Variants in KDM3A observed in about 807,000 individuals in gnomAD.
KDM3A encodes lysine-specific demethylase 3A.
In KDM3A, 60 loss-of-function variants were observed where a neutral mutation model predicts 158.0. That is an observed-to-expected ratio of 0.38 (90% CI 0.31 to 0.47). KDM3A has a LOEUF of 0.47. Ranked by LOEUF, KDM3A falls within the 20% of genes least tolerant of loss-of-function variation. The pLI, the probability that KDM3A is intolerant of heterozygous loss-of-function variation, is 0.99. For synonymous variants in KDM3A, 608 were observed against 549.3 expected (o/e 1.11, Z -1.49); for missense variants, 1,319 against 1,574.3 (o/e 0.84, Z 2.74).
intron 4 of KDM3A, among the ~76,000 whole-genome samples, chr2:86,452,480 G>C (rs1249741900): frequency 6.6e-6 from 1 of 152,070 alleles, no homozygotes; most frequent in Non-Finnish European, 1.5e-5. Flanking sequence ...AGGAGCAATG[G>C]TTCAGTATTT....
intron 1 of KDM3A, 52 bp downstream of exon 1, chr2:86,441,496 C>G (rs1385245750): frequency 2.3e-4 from 35 of 151,660 alleles, no homozygotes; most frequent in Admixed American, 1.9e-3. Flanking sequence ...AAGGTGAAAG[C>G]GCCGAGCGCG....
intron 5 of KDM3A, among the ~76,000 whole-genome samples, chr2:86,455,953 CA>C (rs574299612): frequency 0.054 from 3,013 of 56,192 alleles, 19 homozygotes; most frequent in East Asian, 0.1. Context: ...GACCCTGTCT[CA>C]AAAAAAAAAA....
intron 12 of KDM3A, 52 bp downstream of exon 12, chr2:86,475,042 T>A: frequency 2.1e-6 from 3 of 1,442,374 alleles, no homozygotes; most frequent in Non-Finnish European, 1.9e-6. Flanking sequence ...TGATTTTTGT[T>A]CCTAAGTGAC....
rs767648223 is a variant in KDM3A at position 86,484,917 on chromosome 2, ATAGT to A, written c.3095-23_3095-20del. On this transcript the variant is annotated intron_variant, in intron 19 of 25. Transcript: ENST00000312912. The stretch of plus-strand genomic sequence containing the variant: ...GTCTGTTTCTGAATTATAAATAGTA[ATAGT>A]TCATTCTGTTTACCTTTCAGATCGT... The A allele has an allele frequency of 2.9e-6, 4 of 1,398,860 alleles. No homozygotes were observed. The Admixed American group carries it at 6.8e-5, about 24-fold the overall frequency. The allele number at this position is 1,398,860 out of a possible 1,614,324, so 86.7% of individuals were successfully genotyped here. A position where few individuals can be genotyped will look rare whatever the true frequency, so the allele number is the denominator to read the frequency against.
rs1673979619 is a variant in KDM3A, at chr2:86,482,466, T to C, written c.2694T>C (p.Asn898=). The part of the protein sequence containing the change: ...LLNSSTGKTE[N]GLKNTPKILD... ...TTCTTTCTCCAATTCAGACAGAAAATGGACTCAAGAATACACCAAAAATCC... is the reference window on the plus strand; with the variant it reads ...TTCTTTCTCCAATTCAGACAGAAAACGGACTCAAGAATACACCAAAAATCC... Residue 898 remains asparagine (N), a synonymous_variant, in exon 18 of 26, where the codon AAT becomes AAC. Transcript: ENST00000312912. 4 of 1,612,672 alleles carry C rather than the reference T, an allele frequency of 2.5e-6. No individual in the cohort carries two copies. The highest frequency in any genetic ancestry group is 1.3e-5 in the African/African-American group (1 of 74,726).
In KDM3A at chr2:86,483,990, GTGA is replaced by G; in HGVS notation, c.2929_2931del (p.Met977del). ...AGTTTTCCTTCTCTTCATTTAGCCAGTGATGGTGTCTGGAGTGCATCATAAATT... is the reference window on the plus strand; with the variant it reads ...AGTTTTCCTTCTCTTCATTTAGCCAGTGGTGTCTGGAGTGCATCATAAATT... On this transcript the variant is annotated inframe_deletion, in exon 19 of 26. Coordinates refer to ENST00000312912, the MANE Select transcript of KDM3A (RefSeq NM_018433.6). The G allele has an allele frequency of 6.2e-7, 1 of 1,610,156 alleles. No homozygotes were observed. Among genetic ancestry groups the G allele is most frequent in the Non-Finnish European group, 8.5e-7 (1 of 1,178,372 alleles).
intron 21 of KDM3A, 40 bp from the exon 22 acceptor site, chr2:86,489,278 T>C (rs937517473): frequency 1.3e-6 from 2 of 1,599,292 alleles, no homozygotes; most frequent in Non-Finnish European, 1.7e-6. Flanking sequence ...TGGCAGCCTT[T>C]GTTGTCTTTT....
chr2:86,442,754 A>G (rs893130312), intron 2 of KDM3A, among the ~76,000 whole-genome samples: 1 of 152,066 alleles, frequency 6.6e-6, no homozygotes, highest in African/African-American at 2.4e-5. Context: ...GTTTGTCCGT[A>G]TATGGTGGGT....
At chr2:86,475,057 A>C in intron 12 of KDM3A, 67 bp downstream of exon 12, 5 of 1,254,512 alleles carry the variant, frequency 4.0e-6, no homozygotes, top group Non-Finnish European at 5.7e-6. Context: ...AGTGACACCT[A>C]AGTCCTAATT....
At chr2:86,478,886 TGTG>T in intron 15 of KDM3A, 151 bp downstream of exon 15, 1 of 717,728 alleles carries the variant, frequency 1.4e-6, no homozygotes, top group East Asian at 2.7e-5. Context: ...ATACAGTTCA[TGTG>T]ACAGTTCAGA....
rs199927808 is a variant in KDM3A at position 86,478,196 on chromosome 2, C to T, written c.2119C>T (p.Leu707=). 1.2e-4 allele frequency: 198 copies of T among 1,613,958 alleles called. No homozygotes were observed. Among genetic ancestry groups the T allele is most frequent in the Admixed American group, 1.1e-3 (64 of 60,014 alleles). Residue 707 remains leucine (L), a synonymous_variant, in exon 14 of 26, where the codon CTA becomes TTA. Coordinates refer to ENST00000312912, the MANE Select transcript of KDM3A (RefSeq NM_018433.6). ...QGAAYKTFSW[L]KCVKSQIHEP... ...TGCTGCTTACAAGACTTTCTCTTGG[C>T]TAAAATGTGTGAAGAGTCAGATACA...
rs1674349538 is a variant in KDM3A at position 86,489,444 on chromosome 2, T to A, written c.3433+7T>A. ...CAGTGTGAGCAAGAAGAAGGTAGGG[T>A]GCTGAGCATAAAAGGAGGGCTTACT... is the stretch of plus-strand genomic sequence containing the variant. On this transcript the variant is annotated splice_region_variant and intron_variant, in intron 22 of 25. Coordinates refer to ENST00000312912, the MANE Select transcript of KDM3A (RefSeq NM_018433.6). 1 of 1,613,376 alleles carries A rather than the reference T, an allele frequency of 6.2e-7. No homozygotes were observed. Among genetic ancestry groups the A allele is most frequent in the Non-Finnish European group, 8.5e-7 (1 of 1,179,770 alleles).
intron 8 of KDM3A, among the ~76,000 whole-genome samples, chr2:86,462,906 A>G (rs1672983470): frequency 6.6e-6 from 1 of 152,084 alleles, no homozygotes; most frequent in African/African-American, 2.4e-5. Context: ...CAGCCTTAAC[A>G]TAGCAAAATC....
chr2:86,492,346 C>G lies in KDM3A; in HGVS notation c.*227C>G. The G allele has an allele frequency of 2.2e-6, 1 of 458,938 alleles. No individual in the cohort carries two copies. Among genetic ancestry groups the G allele is most frequent in the Non-Finnish European group, 3.9e-6 (1 of 256,178 alleles). 28.4% of individuals were successfully genotyped at this position (458,938 alleles called of 1,614,324 possible). A position where few individuals can be genotyped will look rare whatever the true frequency, so the allele number is the denominator to read the frequency against. On this transcript the variant is annotated 3_prime_UTR_variant, in exon 26 of 26. Coordinates refer to ENST00000312912, the MANE Select transcript of KDM3A (RefSeq NM_018433.6). ...TTAAACTGTGACTTCTCACCTAGTG[C>G]AGAACTTTTACCAGGCTGTAAAAGC...
At chr2:86,469,568 A>G (rs142862839) in intron 10 of KDM3A, among the ~76,000 whole-genome samples, 3 of 152,302 alleles carry the variant, frequency 2.0e-5, no homozygotes, top group African/African-American at 7.2e-5. Context: ...TAAAATCTGC[A>G]TTTACTTAGA....
Position 86,482,644 on chromosome 2 carries a change from A to T in KDM3A, c.2872A>T (p.Asn958Tyr), listed in dbSNP as rs1278562653. Residue 958 changes from asparagine (N) to tyrosine (Y), a missense_variant, in exon 18 of 26, where the codon AAC becomes TAC. This residue lies in a region of KDM3A where 368 missense variants were observed against 415.8 expected (regional missense o/e 0.89). Transcript: ENST00000312912. ...DNRLLCLQDPNNKSNWNVFRE... is the reference protein window; with the variant it reads ...DNRLLCLQDPYNKSNWNVFRE... ...TCGCTTGCTGTGCTTGCAAGACCCCAACAATAAGAGCAACTGGAATGTGTT... is the reference window on the plus strand; with the variant it reads ...TCGCTTGCTGTGCTTGCAAGACCCCTACAATAAGAGCAACTGGAATGTGTT... 1 of 1,614,070 alleles carries T rather than the reference A, an allele frequency of 6.2e-7. No individual in the cohort carries two copies. The highest frequency in any genetic ancestry group is 1.1e-5 in the South Asian group (1 of 91,076).
chr2:86,467,669 A>G (rs72930385), intron 10 of KDM3A, among the ~76,000 whole-genome samples: 20,258 of 152,274 alleles, frequency 0.13, 1,471 homozygotes, highest in Middle Eastern at 0.16. Flanking sequence ...TAGAGCTATT[A>G]GAATTTAAAG....
At chr2:86,465,936 C>CA (rs1276403334) in intron 9 of KDM3A, among the ~76,000 whole-genome samples, 6 of 60,590 alleles carry the variant, frequency 9.9e-5, no homozygotes, top group African/African-American at 3.9e-4. Flanking sequence ...GAAATTTACA[C>CA]ACAAAAAAAA....
At chr2:86,472,571 T>C (rs544266255) in intron 11 of KDM3A, among the ~76,000 whole-genome samples, 1 of 152,210 alleles carries the variant, frequency 6.6e-6, no homozygotes, top group South Asian at 2.1e-4. Flanking sequence ...CTTAAAAAAT[T>C]AAAAACTTTC....
Sources: gnomAD v4.1 joint callset for allele counts (sites outside exome capture counted in the v4.1 genomes callset) on GRCh38, gnomAD v4.1.1 for gene constraint, gnomAD v4.1.1 regional missense constraint, MANE v1.5 for transcripts, NCBI Gene and HGNC (gene_info 2026-07-23, HGNC 2026-07-21) for gene names.